ATL1: variants seen among roughly 807,000 people sequenced by gnomAD.
The protein encoded by ATL1 is atlastin GTPase 1.
A neutral mutation model predicts 75.5 loss-of-function variants in ATL1; 31 were observed. That is an observed-to-expected ratio of 0.41 (90% CI 0.31 to 0.55). The LOEUF is 0.55. Ranked by LOEUF, ATL1 falls within the 20% of genes least tolerant of loss-of-function variation. The probability of loss-of-function intolerance (pLI) is 0.27; values close to 1 mark genes in which losing one functional copy is unlikely to be tolerated. For missense variants in ATL1, 405 were observed against 662.6 expected (o/e 0.61, Z 4.27); for synonymous variants, 226 against 233.3 (o/e 0.97, Z 0.28).
intron 1 of ATL1, 136 bp from the exon 2 acceptor site, chr14:50,587,695 C>A: frequency 8.2e-7 from 1 of 1,214,558 alleles, no homozygotes; most frequent in Non-Finnish European, 1.2e-6. Flanking sequence ...AGGCATGAGC[C>A]ACTGCACCCA....
At chr14:50,589,442 G>A (rs1270225894) in intron 2 of ATL1, among the ~76,000 whole-genome samples, 2 of 152,108 alleles carry the variant, frequency 1.3e-5, no homozygotes, top group African/African-American at 4.8e-5. Flanking sequence ...ACAGACATGA[G>A]CCACCATGCC....
chr14:50,592,944 ATATGTG>A (rs1443173514), intron 4 of ATL1, among the ~76,000 whole-genome samples: 1 of 131,230 alleles, frequency 7.6e-6, no homozygotes, highest in Non-Finnish European at 1.6e-5. Context: ...ATATATATAT[ATATGTG>A]TGTGTGTGTG....
intron 11 of ATL1, among the ~76,000 whole-genome samples, chr14:50,627,572 G>T (rs2039533671): frequency 6.6e-6 from 1 of 152,192 alleles, no homozygotes; most frequent in Admixed American, 6.5e-5. Context: ...AACTGCTAAA[G>T]AATGTATTTC....
intron 1 of ATL1, among the ~76,000 whole-genome samples, chr14:50,540,203 A>G (rs1466233843): frequency 6.6e-6 from 1 of 152,224 alleles, no homozygotes; most frequent in African/African-American, 2.4e-5. Flanking sequence ...AAGTGAAATC[A>G]GGATGTTTTG....
At chr14:50,566,712 T>C in intron 1 of ATL1, among the ~76,000 whole-genome samples, 1 of 152,332 alleles carries the variant, frequency 6.6e-6, no homozygotes, top group Middle Eastern at 3.4e-3. Context: ...ATTTTTTATA[T>C]AAGTCCTTTG....
Position 50,569,011 on chromosome 14 carries a change from A to G in ATL1, c.34+8712A>G, listed in dbSNP as rs564091551. Among the ~76,000 whole-genome samples, 43 of 152,212 alleles carry G rather than the reference A, an allele frequency of 2.8e-4. 2 individuals are homozygous for G. In the South Asian group the frequency reaches 8.9e-3, roughly 32 times the overall value. On this transcript the variant is annotated intron_variant, in intron 1 of 13. Coordinates refer to ENST00000358385, the MANE Select transcript of ATL1 (RefSeq NM_015915.5). ...TTATTGGTATCATAAAAGTATACAT[A>G]TTGTGTGTCCAAAACACATAAACTA...
chr14:50,572,451 T>C lies in ATL1; in HGVS notation c.34+12152T>C, dbSNP rs112004149. Reference sequence around the variant, plus strand: ...CAGTTTTAGTAATTTACATTTTTCTTGAAATCTATCCATTTCATCAAGCTG... The same window carrying C: ...CAGTTTTAGTAATTTACATTTTTCTCGAAATCTATCCATTTCATCAAGCTG... On this transcript the variant is annotated intron_variant, in intron 1 of 13. Coordinates refer to ENST00000358385, the MANE Select transcript of ATL1 (RefSeq NM_015915.5). 3.0e-4 allele frequency among the ~76,000 whole-genome samples: 45 copies of C among 152,246 alleles called. 2 individuals carry two copies. Among genetic ancestry groups the C allele is most frequent in the Admixed American group, 2.4e-3 (36 of 15,286 alleles).
intron 11 of ATL1, among the ~76,000 whole-genome samples, chr14:50,623,780 G>A (rs1021338947): frequency 1.3e-5 from 2 of 152,112 alleles, no homozygotes; most frequent in Non-Finnish European, 2.9e-5. Flanking sequence ...GCTGGGTGCG[G>A]TGGCTCATGC....
intron 1 of ATL1, among the ~76,000 whole-genome samples, chr14:50,541,389 G>T (rs989030953): frequency 3.3e-5 from 5 of 152,170 alleles, no homozygotes; most frequent in Admixed American, 2.0e-4. Context: ...GATAAACCCA[G>T]TTCAGGAACC....
At chr14:50,590,223 C>G (rs970239779) in intron 2 of ATL1, among the ~76,000 whole-genome samples, 6 of 152,144 alleles carry the variant, frequency 3.9e-5, no homozygotes, top group Admixed American at 3.9e-4. Flanking sequence ...GCTATCATTT[C>G]CCTTCCCTAC....
chr14:50,615,779 C>G (rs2039409159), intron 8 of ATL1, among the ~76,000 whole-genome samples: 1 of 152,126 alleles, frequency 6.6e-6, no homozygotes, highest in Non-Finnish European at 1.5e-5. Flanking sequence ...AAAGAGAAAG[C>G]TTCTCTTTCT....
intron 1 of ATL1, among the ~76,000 whole-genome samples, chr14:50,533,968 G>A (rs2038458497): frequency 1.3e-5 from 2 of 152,134 alleles, no homozygotes; most frequent in South Asian, 4.1e-4. Context: ...CTATGTGTTT[G>A]CTGCATTGAA....
chr14:50,623,383 A>ACGT, intron 11 of ATL1, 135 bp downstream of exon 11: 1 of 670,852 alleles, frequency 1.5e-6, no homozygotes, highest in Middle Eastern at 3.9e-4. Flanking sequence ...AGCCTGTATC[A>ACGT]CGTCTATTTA....
intron 6 of ATL1, among the ~76,000 whole-genome samples, chr14:50,597,216 CAAACA>C (rs1170661997): frequency 1.5e-4 from 2 of 12,922 alleles, no homozygotes; most frequent in African/African-American, 2.2e-3. Context: ...CTCAAAAAAA[CAAACA>C]AAAAAAAAAA....
chr14:50,619,785 GCAGTCCAGTTACCA>G lies in ATL1; in HGVS notation c.863-810_863-797del, dbSNP rs555713345. On this transcript the variant is annotated intron_variant, in intron 8 of 13. Transcript: ENST00000358385. ...CATTGTCACTATCTTTTTGAACTCT[GCAGTCCAGTTACCA>G]CAGCTTACCCAGTTTTGTACAGTTC... 1.2e-4 allele frequency among the ~76,000 whole-genome samples: 19 copies of G among 152,204 alleles called. No individual in the cohort carries two copies. The South Asian group carries it at 3.9e-3, about 32-fold the overall frequency.
chr14:50,543,948 G>A (rs890207943), intron 1 of ATL1, among the ~76,000 whole-genome samples: 4 of 152,152 alleles, frequency 2.6e-5, no homozygotes, highest in Non-Finnish European at 5.9e-5. Flanking sequence ...CTGCCATCTG[G>A]CTATTTTGGA....
At chr14:50,582,912 T>C (rs1008558058) in intron 1 of ATL1, among the ~76,000 whole-genome samples, 3 of 152,170 alleles carry the variant, frequency 2.0e-5, no homozygotes, top group African/African-American at 7.2e-5. Flanking sequence ...AAAGTGCAAA[T>C]ATATATTATT....
At chr14:50,587,797 G>A (rs1167396766) in intron 1 of ATL1, 34 bp from the exon 2 acceptor site, 6 of 1,613,996 alleles carry the variant, frequency 3.7e-6, no homozygotes, top group Non-Finnish European at 4.2e-6. Context: ...ACTTTGAGAT[G>A]ATTAGCTGAA....
At chr14:50,535,289 A>G (rs1196330658) in intron 1 of ATL1, among the ~76,000 whole-genome samples, 1 of 152,260 alleles carries the variant, frequency 6.6e-6, no homozygotes, top group Admixed American at 6.5e-5. Context: ...GAGACATAAA[A>G]TGCTTTATCT....
Sources: gnomAD v4.1 joint callset for allele counts (sites outside exome capture counted in the v4.1 genomes callset) on GRCh38, gnomAD v4.1.1 for gene constraint, MANE v1.5 for transcripts, NCBI Gene and HGNC (gene_info 2026-07-23, HGNC 2026-07-21) for gene names.